Variants in ZNF385D observed in about 807,000 individuals in gnomAD.
ZNF385D encodes the protein zinc finger protein 659.
A neutral mutation model predicts 35.8 loss-of-function variants in ZNF385D; 15 were observed. The ratio of observed to expected loss-of-function variants is 0.42; its 90% CI spans 0.28 to 0.64. The LOEUF (loss-of-function observed/expected upper bound fraction) is 0.64. ZNF385D is among the 30% of genes least tolerant of loss of function. The pLI is 0.23. For missense variants in ZNF385D, 474 were observed against 494.6 expected, an observed-to-expected ratio of 0.96 and a Z score of 0.39; for synonymous variants, 212 against 186.8, an observed-to-expected ratio of 1.13 and a Z score of -1.10.
chr3:22,090,952 T>C (rs922863083), intron 3 of ZNF385D, among the ~76,000 whole-genome samples: 2 of 152,108 alleles, frequency 1.3e-5, no homozygotes, highest in Non-Finnish European at 2.9e-5. Flanking sequence ...GGAACAGGTA[T>C]ACACCATACA....
At chr3:21,812,051 G>A (rs1575695128) in intron 3 of ZNF385D, among the ~76,000 whole-genome samples, 1 of 151,994 alleles carries the variant, frequency 6.6e-6, no homozygotes, top group African/African-American at 2.4e-5. Context: ...ATAAATATCA[G>A]TTTATAGAAA....
chr3:21,952,040 C>G lies in ZNF385D; in HGVS notation c.325+216777G>C, dbSNP rs749402913. Among the ~76,000 whole-genome samples, 2 of 149,626 alleles carry G rather than the reference C, an allele frequency of 1.3e-5. 1 individual carries two copies. The highest frequency in any genetic ancestry group is 5.1e-5 in the African/African-American group (2 of 39,196). On this transcript the variant is annotated intron_variant, in intron 3 of 5. Transcript: ENST00000494108. ...CCCCCTGAACTCAACACAAGACTGT[C>G]TTGAGCAAAGAACAATGGGACTCTT... is the stretch of plus-strand genomic sequence containing the variant.
Position 21,938,244 on chromosome 3 carries a change from A to C in ZNF385D, c.325+230573T>G, listed in dbSNP as rs537529407. On this transcript the variant is annotated intron_variant, in intron 3 of 5. Transcript: ENST00000494108. ...CTATAGTTAACAGAAGCTTTCTCTC[A>C]GTTATGCACAAGAACCCAGAAGAAC... 4.0e-4 allele frequency among the ~76,000 whole-genome samples: 61 copies of C among 152,320 alleles called. 1 individual carries two copies. The South Asian group carries it at 0.012, about 31-fold the overall frequency.
chr3:22,273,275 T>C (rs572008689), intron 2 of ZNF385D, among the ~76,000 whole-genome samples: 1 of 151,966 alleles, frequency 6.6e-6, no homozygotes, highest in Non-Finnish European at 1.5e-5. Context: ...CTAATACACA[T>C]ACACACACAT....
intron 2 of ZNF385D, among the ~76,000 whole-genome samples, chr3:22,311,729 GC>G (rs1488683398): frequency 6.6e-6 from 1 of 152,040 alleles, no homozygotes; most frequent in Admixed American, 6.6e-5. Flanking sequence ...CTCATCTCAT[GC>G]TTTGCTCTCC....
intron 2 of ZNF385D, among the ~76,000 whole-genome samples, chr3:22,178,885 A>T (rs141532577): frequency 0.028 from 4,193 of 152,268 alleles, 192 homozygotes; most frequent in African/African-American, 0.095. Context: ...GTCAAAGATC[A>T]GATAGTTGTA....
intron 2 of ZNF385D, among the ~76,000 whole-genome samples, chr3:21,574,436 T>TCAAA (rs2063433781): frequency 6.6e-6 from 1 of 152,158 alleles, no homozygotes; most frequent in African/African-American, 2.4e-5. Context: ...AGCAGCCACT[T>TCAAA]CAAACAATAG....
chr3:21,761,134 A>G (rs62236201), intron 3 of ZNF385D, among the ~76,000 whole-genome samples: 59 of 152,276 alleles, frequency 3.9e-4, no homozygotes, highest in Non-Finnish European at 7.2e-4. Context: ...GCCAGTACCA[A>G]CTTGCCATGT....
At chr3:22,009,875 T>C (rs938249378) in intron 3 of ZNF385D, among the ~76,000 whole-genome samples, 1 of 151,696 alleles carries the variant, frequency 6.6e-6, no homozygotes, top group Non-Finnish European at 1.5e-5. Flanking sequence ...ATTTGTGTTA[T>C]AAGCCTATAG....
chr3:21,670,883 A>G (rs1249388026), intron 1 of ZNF385D, among the ~76,000 whole-genome samples: 1 of 151,916 alleles, frequency 6.6e-6, no homozygotes, highest in African/African-American at 2.4e-5. Flanking sequence ...TTCCACAAAA[A>G]AAATGGACCA....
chr3:22,163,076 G>C (rs560654434), intron 3 of ZNF385D, among the ~76,000 whole-genome samples: 124 of 152,254 alleles, frequency 8.1e-4, no homozygotes, highest in Non-Finnish European at 1.5e-3. Flanking sequence ...TTTGAGGCAA[G>C]GAGCTGGGAC....
chr3:21,800,418 T>G (rs2072342283), intron 3 of ZNF385D, among the ~76,000 whole-genome samples: 1 of 152,180 alleles, frequency 6.6e-6, no homozygotes, highest in Non-Finnish European at 1.5e-5. Flanking sequence ...TCTTTAAATT[T>G]TAGCAATGTT....
intron 3 of ZNF385D, among the ~76,000 whole-genome samples, chr3:21,947,860 G>A (rs951121070): frequency 1.3e-5 from 2 of 152,000 alleles, no homozygotes; most frequent in African/African-American, 4.8e-5. Context: ...ATATTTAATA[G>A]AATTTGTTAC....
At chr3:21,804,555 G>A (rs1391413478) in intron 3 of ZNF385D, among the ~76,000 whole-genome samples, 1 of 152,136 alleles carries the variant, frequency 6.6e-6, no homozygotes, top group African/African-American at 2.4e-5. Flanking sequence ...TAAGGAGAAA[G>A]TTCCTCCCTC....
chr3:21,751,016 AT>A lies in ZNF385D; in HGVS notation c.-101del. On this transcript the variant is annotated 5_prime_UTR_variant, in exon 1 of 8. An upstream open reading frame in the 5' UTR gains an earlier in-frame stop. Coordinates refer to ENST00000281523, the MANE Select transcript of ZNF385D (RefSeq NM_024697.3). ...CCCTTTCATGCTACATTCGGTGGAA[AT>A]GTCCCCGGCGTGGAGAGCAGTGAGC... is the stretch of plus-strand genomic sequence containing the variant. 1 of 1,604,722 alleles carries A rather than the reference AT, an allele frequency of 6.2e-7. No individual in the cohort carries two copies. Among genetic ancestry groups the A allele is most frequent in the African/African-American group, 1.3e-5 (1 of 74,840 alleles).
intron 3 of ZNF385D, among the ~76,000 whole-genome samples, chr3:21,848,247 T>C (rs1382647919): frequency 1.3e-5 from 2 of 152,030 alleles, no homozygotes; most frequent in Non-Finnish European, 2.9e-5. Context: ...TTCATTTGTT[T>C]GTCCATGAAA....
In ZNF385D at chr3:22,308,789, C is replaced by T. The variant is rs150228578; in HGVS notation, c.106+63661G>A. Among the ~76,000 whole-genome samples the T allele has an allele frequency of 2.0e-3, 312 of 152,216 alleles. 3 individuals are homozygous for T. The highest frequency in any genetic ancestry group is 0.01 in the Middle Eastern group (3 of 294). On this transcript the variant is annotated intron_variant, in intron 2 of 5. Transcript: ENST00000494108. ...GATTTTAAACAATGACTTACACTAA[C>T]ATTATCATTCAGAATATGAATTTGG...
At chr3:21,637,994 C>T (rs923243688) in intron 2 of ZNF385D, among the ~76,000 whole-genome samples, 4 of 151,958 alleles carry the variant, frequency 2.6e-5, no homozygotes, top group African/African-American at 9.7e-5. Context: ...ACATATCTTC[C>T]ACAAAAATTC....
At chr3:21,636,834 C>T (rs1191818103) in intron 2 of ZNF385D, among the ~76,000 whole-genome samples, 1 of 152,066 alleles carries the variant, frequency 6.6e-6, no homozygotes, top group Non-Finnish European at 1.5e-5. Flanking sequence ...TTTTGATTTG[C>T]ATCTTCCTGA....
Sources: gnomAD v4.1 joint callset for allele counts (sites outside exome capture counted in the v4.1 genomes callset) on GRCh38, gnomAD v4.1.1 for gene constraint, MANE v1.5 for transcripts, NCBI Gene and HGNC (gene_info 2026-07-23, HGNC 2026-07-21) for gene names.